SYN3: variants seen among roughly 807,000 people sequenced by gnomAD.
The protein encoded by SYN3 is synapsin III.
SYN3 carries 35 observed loss-of-function variants against 65.8 expected under a neutral mutation model. The observed-to-expected ratio is 0.53, with a 90% confidence interval of 0.41 to 0.70. SYN3 has a LOEUF of 0.70. Among genes scored for constraint, SYN3 ranks in the 30% least tolerant of loss-of-function variants. SYN3 has a pLI of 0.00. For synonymous variants in SYN3, 270 were observed against 292.9 expected (o/e 0.92, Z 0.80); for missense variants, 680 against 749.0 (o/e 0.91, Z 1.08).
chr22:32,642,717 C>T (rs548103041), intron 6 of SYN3, among the ~76,000 whole-genome samples: 14 of 152,086 alleles, frequency 9.2e-5, no homozygotes, highest in South Asian at 6.2e-4. Flanking sequence ...CGTGAGCCAC[C>T]GTACCCGGCC....
intron 7 of SYN3, among the ~76,000 whole-genome samples, chr22:32,588,796 T>G (rs1206519451): frequency 6.6e-6 from 1 of 152,202 alleles, no homozygotes; most frequent in African/African-American, 2.4e-5. Context: ...GAGCTTAATT[T>G]CTAATTCTAC....
At chr22:32,888,238 T>C (rs2049348629) in intron 4 of SYN3, among the ~76,000 whole-genome samples, 1 of 152,182 alleles carries the variant, frequency 6.6e-6, no homozygotes, top group South Asian at 2.1e-4. Context: ...AAGATATAAC[T>C]ATTATTCTAG....
intron 4 of SYN3, among the ~76,000 whole-genome samples, chr22:32,894,342 T>C (rs1282728637): frequency 6.6e-6 from 1 of 152,246 alleles, no homozygotes; most frequent in Non-Finnish European, 1.5e-5. Flanking sequence ...CAGGCTGCTC[T>C]GATAAATGCT....
intron 4 of SYN3, among the ~76,000 whole-genome samples, chr22:32,901,727 G>T (rs1374443433): frequency 6.6e-6 from 1 of 152,242 alleles, no homozygotes; most frequent in Non-Finnish European, 1.5e-5. Context: ...GCACCAGTGA[G>T]ATGTCACTAA....
At chr22:32,718,209 G>A (rs1317883583) in intron 6 of SYN3, among the ~76,000 whole-genome samples, 2 of 152,036 alleles carry the variant, frequency 1.3e-5, no homozygotes, top group Non-Finnish European at 2.9e-5. Context: ...GGGAGCTTAC[G>A]GCCTTGCTTC....
chr22:32,508,211 G>A lies in SYN3; in HGVS notation c.*5481C>T, dbSNP rs1242536799. ...CCTTAACTGATGACATTCCACCATT[G>A]TGATTTGTTCCTGCCCCACCTTAAC... is the stretch of plus-strand genomic sequence containing the variant. On this transcript the variant is annotated 3_prime_UTR_variant, in exon 14 of 14. Transcript: ENST00000358763. Among the ~76,000 whole-genome samples the A allele has an allele frequency of 6.6e-6, 1 of 152,070 alleles. No individual in the cohort carries two copies. The highest frequency in any genetic ancestry group is 1.9e-4 in the East Asian group (1 of 5,178).
At chr22:32,866,990 G>T (rs1208442428) in intron 5 of SYN3, among the ~76,000 whole-genome samples, 1 of 152,098 alleles carries the variant, frequency 6.6e-6, no homozygotes, top group African/African-American at 2.4e-5. Flanking sequence ...TACCAGGAAG[G>T]CGCTATTACT....
At chr22:32,602,269 CTG>C (rs916325951) in intron 6 of SYN3, among the ~76,000 whole-genome samples, 5 of 152,170 alleles carry the variant, frequency 3.3e-5, no homozygotes, top group African/African-American at 4.8e-5. Context: ...CCCAGTGTGT[CTG>C]GGGTGTATTC....
At position 32,541,636 on chromosome 22, in the gene SYN3, C is replaced by G; in HGVS notation, c.852G>C (p.Glu284Asp). The G allele has an allele frequency of 6.2e-7, 1 of 1,614,142 alleles. No homozygotes were observed. The highest frequency in any genetic ancestry group is 8.5e-7 in the Non-Finnish European group (1 of 1,180,036). ...VAMAKTYATTEAFIDSKYDIR... is the reference protein window; with the variant it reads ...VAMAKTYATTDAFIDSKYDIR... ...TGTCGTACTTGGAGTCGATGAAGGC[C>G]TCGGTGGTGGCGTAGGTTTTGGCCA... The change falls in exon 8 of 14, where the codon GAG becomes GAC. Residue 284 changes from glutamate (E) to aspartate (D), a missense_variant. Coordinates refer to ENST00000358763, the MANE Select transcript of SYN3 (RefSeq NM_003490.4).
chr22:32,984,879 A>G (rs1189673430), intron 2 of SYN3, among the ~76,000 whole-genome samples: 2 of 152,168 alleles, frequency 1.3e-5, no homozygotes, highest in African/African-American at 2.4e-5. Context: ...TCTTAGCTCT[A>G]CTACTCACTG....
chr22:32,634,754 C>A (rs945708202), intron 6 of SYN3, among the ~76,000 whole-genome samples: 9 of 152,324 alleles, frequency 5.9e-5, no homozygotes, highest in African/African-American at 1.7e-4. Flanking sequence ...GGCTTCCAGG[C>A]CCTTTCAGTG....
chr22:33,015,936 C>G (rs133955), intron 1 of SYN3, among the ~76,000 whole-genome samples: 125,541 of 151,494 alleles, frequency 0.83, 52,165 homozygotes, highest in African/African-American at 0.87. Context: ...CCACCTCCTA[C>G]GTTGAAGTGA....
chr22:32,656,565 G>C (rs1020716728), intron 6 of SYN3, among the ~76,000 whole-genome samples: 1 of 152,104 alleles, frequency 6.6e-6, no homozygotes, highest in Non-Finnish European at 1.5e-5. Context: ...GAGTGGTAGC[G>C]GATCGATAGT....
intron 2 of SYN3, among the ~76,000 whole-genome samples, chr22:33,001,473 T>TA (rs1321257150): frequency 1.3e-5 from 2 of 152,190 alleles, no homozygotes; most frequent in African/African-American, 4.8e-5. Context: ...ACCCAGGACC[T>TA]ACAGGGAAGA....
intron 6 of SYN3, among the ~76,000 whole-genome samples, chr22:32,599,912 A>C (rs1470964195): frequency 6.6e-6 from 1 of 152,118 alleles, no homozygotes; most frequent in African/African-American, 2.4e-5. Context: ...AGAGTGAGGC[A>C]GCATGGCAGG....
chr22:32,556,992 T>C (rs16990720), intron 7 of SYN3, among the ~76,000 whole-genome samples: 6,457 of 151,930 alleles, frequency 0.042, 307 homozygotes, highest in East Asian at 0.23. Context: ...GTCCACACTT[T>C]AGGAAAATTA....
At chr22:32,772,826 T>TG (rs11398598) in intron 6 of SYN3, among the ~76,000 whole-genome samples, 152,301 of 152,302 alleles carry the variant, frequency 1, 76,150 homozygotes, top group Non-Finnish European at 1. Flanking sequence ...GAAGGGAGGA[T>TG]GCCCTGCCAA....
intron 6 of SYN3, among the ~76,000 whole-genome samples, chr22:32,598,857 T>C (rs965543723): frequency 6.6e-6 from 1 of 151,950 alleles, no homozygotes; most frequent in Non-Finnish European, 1.5e-5. Flanking sequence ...AATACATACA[T>C]GTTAAAAAAA....
At chr22:32,677,194 T>G (rs989822861) in intron 6 of SYN3, among the ~76,000 whole-genome samples, 2 of 152,172 alleles carry the variant, frequency 1.3e-5, no homozygotes, top group Non-Finnish European at 2.9e-5. Flanking sequence ...CTCTAGCACC[T>G]GGGATTAAGG....
Sources: allele counts gnomAD v4.1 joint callset (sites outside exome capture counted in the v4.1 genomes callset), GRCh38; gene constraint gnomAD v4.1.1; transcripts MANE v1.5; gene names NCBI Gene and HGNC (gene_info 2026-07-23, HGNC 2026-07-21).